Variants in GLB1 observed in about 807,000 individuals in gnomAD.
GLB1 encodes the protein galactosidase beta 1.
In GLB1, 56 loss-of-function variants were observed where a neutral mutation model predicts 74.0. The ratio of observed to expected loss-of-function variants is 0.76; its 90% CI spans 0.61 to 0.94. The LOEUF (loss-of-function observed/expected upper bound fraction) is 0.94. Among genes scored for constraint, GLB1 ranks in the 40% least tolerant of loss-of-function variants. The pLI is 0.00. For synonymous variants in GLB1, 323 were observed against 323.6 expected (o/e 1.00, Z 0.02); for missense variants, 787 against 845.5 (o/e 0.93, Z 0.86).
At chr3:33,080,171 T>G (rs2125565740) in intron 1 of GLB1, among the ~76,000 whole-genome samples, 1 of 152,144 alleles carries the variant, frequency 6.6e-6, no homozygotes, top group South Asian at 2.1e-4. Context: ...TGGCACAGTC[T>G]CAGCTCACTG....
At chr3:33,038,221 T>C (rs1166439782) in intron 10 of GLB1, among the ~76,000 whole-genome samples, 2 of 152,196 alleles carry the variant, frequency 1.3e-5, no homozygotes, top group Non-Finnish European at 2.9e-5. Context: ...GGTAGACTTA[T>C]CACTCACCTC....
At chr3:33,000,716 G>C (rs1250602869) in intron 15 of GLB1, among the ~76,000 whole-genome samples, 1 of 152,036 alleles carries the variant, frequency 6.6e-6, no homozygotes, top group Admixed American at 6.6e-5. Flanking sequence ...GATAGAGCAA[G>C]ACTCAGTTAA....
intron 15 of GLB1, among the ~76,000 whole-genome samples, chr3:32,999,789 T>C (rs1391691334): frequency 2.0e-5 from 3 of 152,172 alleles, no homozygotes; most frequent in African/African-American, 7.2e-5. Context: ...TAGCTGGGAA[T>C]ACAGGCGTGC....
At chr3:32,974,857 A>T in the GLB1 span, among the ~76,000 whole-genome samples, 15 of 152,276 alleles carry the variant, frequency 9.9e-5, no homozygotes, top group Admixed American at 2.0e-4. Flanking sequence ...TGCTTCACTC[A>T]ATTTACCAAT....
At chr3:33,075,838 G>A (rs1157968628) in intron 1 of GLB1, among the ~76,000 whole-genome samples, 7 of 151,902 alleles carry the variant, frequency 4.6e-5, no homozygotes, top group African/African-American at 9.7e-5. Flanking sequence ...TCGGGAGATC[G>A]AGACCATCCT....
At chr3:33,051,221 G>A (rs1575450426) in intron 9 of GLB1, among the ~76,000 whole-genome samples, 2 of 130,014 alleles carry the variant, frequency 1.5e-5, no homozygotes, top group Non-Finnish European at 3.1e-5. Context: ...GCGACAGAGC[G>A]AGACTGCGTC....
At chr3:33,077,081 G>A (rs1299663349) in intron 1 of GLB1, 1 of 1,358,940 alleles carries the variant, frequency 7.4e-7, no homozygotes, top group Non-Finnish European at 9.6e-7. Context: ...ATTAAAATTA[G>A]TGTCTCCCTC....
chr3:32,996,916 C>T lies in GLB1; in HGVS notation c.*129G>A. The T allele has an allele frequency of 1.3e-6, 2 of 1,562,998 alleles. No homozygotes were observed. ...TGGCACTGCAGGGATGCAGGGAAAC[C>T]TCAGGTGAAAATGCACATCCTAAAT... On this transcript the variant is annotated 3_prime_UTR_variant, in exon 16 of 16. Coordinates refer to ENST00000307363, the MANE Select transcript of GLB1 (RefSeq NM_000404.4).
intron 1 of GLB1, among the ~76,000 whole-genome samples, chr3:33,087,032 CTT>C (rs1453147648): frequency 7.1e-6 from 1 of 140,002 alleles, no homozygotes; most frequent in Non-Finnish European, 1.6e-5. Flanking sequence ...AATTGAGAAA[CTT>C]AACTAGATTT....
the GLB1 span, among the ~76,000 whole-genome samples, chr3:32,980,397 C>T: frequency 4.8e-3 from 728 of 152,300 alleles, 4 homozygotes; most frequent in African/African-American, 0.017. Flanking sequence ...TTCAGACTTT[C>T]GTCTTTAATA....
intron 4 of GLB1, among the ~76,000 whole-genome samples, chr3:33,067,545 T>C (rs1699735494): frequency 6.6e-6 from 1 of 152,148 alleles, no homozygotes; most frequent in African/African-American, 2.4e-5. Flanking sequence ...CCTCCCAAAG[T>C]GCTGAGATTA....
intron 1 of GLB1, among the ~76,000 whole-genome samples, chr3:33,089,347 G>A (rs1700654940): frequency 6.6e-6 from 1 of 152,252 alleles, no homozygotes; most frequent in Non-Finnish European, 1.5e-5. Flanking sequence ...CAGAACTGAA[G>A]AAAATATCTG....
At chr3:33,090,487 C>G (rs1700705792) in intron 1 of GLB1, 6 of 985,284 alleles carry the variant, frequency 6.1e-6, no homozygotes, top group African/African-American at 1.7e-5. Context: ...ACTACAGACA[C>G]TATTGCTGAT....
intron 1 of GLB1, chr3:33,092,844 C>A: frequency 6.2e-7 from 1 of 1,601,608 alleles, no homozygotes; most frequent in African/African-American, 1.3e-5. Flanking sequence ...TCAGGGAGAC[C>A]GCTGCAGGAT....
At chr3:33,082,377 G>A (rs1209370825) in intron 1 of GLB1, among the ~76,000 whole-genome samples, 1 of 152,194 alleles carries the variant, frequency 6.6e-6, no homozygotes, top group Non-Finnish European at 1.5e-5. Flanking sequence ...TGGAAGCTCT[G>A]GAACTGCCCA....
chr3:33,035,047 T>C (rs1575433135), intron 10 of GLB1, among the ~76,000 whole-genome samples: 1 of 151,642 alleles, frequency 6.6e-6, no homozygotes, highest in East Asian at 1.9e-4. Context: ...CTAAATAAAG[T>C]CATATTGCTT....
intron 5 of GLB1, 47 bp downstream of exon 5, chr3:33,065,416 G>A: frequency 6.5e-7 from 1 of 1,550,300 alleles, no homozygotes; most frequent in East Asian, 2.4e-5. Flanking sequence ...AATGTAGATG[G>A]ATGGGAACCC....
chr3:32,970,648 G>A, the GLB1 span, among the ~76,000 whole-genome samples: 17 of 152,212 alleles, frequency 1.1e-4, no homozygotes, highest in Middle Eastern at 3.4e-3. Context: ...AAAGTTGCAG[G>A]TGTCACACGT....
At chr3:33,020,372 G>A (rs1697417599) in intron 12 of GLB1, among the ~76,000 whole-genome samples, 2 of 152,158 alleles carry the variant, frequency 1.3e-5, no homozygotes, top group South Asian at 4.1e-4. Context: ...AAAGGAGGAC[G>A]TGGATAACCT....
Sources: allele counts gnomAD v4.1 joint callset (sites outside exome capture counted in the v4.1 genomes callset), GRCh38; gene constraint gnomAD v4.1.1; transcripts MANE v1.5; gene names NCBI Gene and HGNC (gene_info 2026-07-23, HGNC 2026-07-21).